The following TECPR1 variants were observed in gnomAD, a reference collection of about 807,000 sequenced individuals.
TECPR1 encodes tectonin beta-propeller repeat containing 1.
In TECPR1, 122 loss-of-function variants were observed where a neutral mutation model predicts 162.4. That is an observed-to-expected ratio of 0.75 (90% confidence interval 0.65 to 0.87). TECPR1 has a LOEUF of 0.87. TECPR1 is among the 40% of genes least tolerant of loss of function. The pLI is 0.00. For synonymous variants in TECPR1, 642 were observed against 670.6 expected, an observed-to-expected ratio of 0.96 and a Z score of 0.66; for missense variants, 1,432 against 1,618.2, an observed-to-expected ratio of 0.88 and a Z score of 1.97.
intron 8 of TECPR1, among the ~76,000 whole-genome samples, chr7:98,239,819 C>T (rs1280829137): frequency 2.0e-5 from 3 of 151,948 alleles, no homozygotes; most frequent in Admixed American, 6.6e-5. Flanking sequence ...GTTAGAAAAA[C>T]CCTGTGACTG....
chr7:98,224,818 A>T lies in TECPR1; in HGVS notation c.2673T>A (p.Tyr891Ter). The T allele has an allele frequency of 6.3e-7, 1 of 1,582,122 alleles. No individual in the cohort carries two copies. The highest frequency in any genetic ancestry group is 1.2e-5 in the South Asian group (1 of 86,402). Residue 891 changes from tyrosine (Y) to a stop codon, truncating the protein, a stop_gained, in exon 19 of 26, where the codon TAT (tyrosine) becomes TAA (stop). Coordinates refer to ENST00000447648, the MANE Select transcript of TECPR1 (RefSeq NM_015395.3). LOFTEE classifies it high-confidence loss of function. Reference sequence around the variant, plus strand: ...AGGCTTACGCAGGGAAGTCGCTGGCATACTGCCACCCCTCCTGGTCCGTGC... The same window carrying T: ...AGGCTTACGCAGGGAAGTCGCTGGCTTACTGCCACCCCTCCTGGTCCGTGC... ...PGGTDQEGWQ[Y>*]ASDFPASYHG...
chr7:98,225,116 AC>A lies in TECPR1; in HGVS notation c.2514-15del. ...GTGGGCAGACCCCTGCGGCAGGACA[AC>A]AGGGCAGGTGACGAGGGAGACTGGG... On this transcript the variant is annotated splice_polypyrimidine_tract_variant and intron_variant, in intron 17 of 25. Transcript: ENST00000447648. 1.9e-6 allele frequency: 3 copies of A among 1,559,856 alleles called. No individual in the cohort carries two copies. In the Admixed American group the frequency reaches 5.7e-5, roughly 30 times the overall value.
chr7:98,229,251 C>A, intron 15 of TECPR1, 85 bp from the exon 16 acceptor site: 2 of 1,488,844 alleles, frequency 1.3e-6, no homozygotes, highest in Non-Finnish European at 1.8e-6. Context: ...CCGTGTCCTC[C>A]TGTGGTTCTG....
intron 8 of TECPR1, 133 bp from the exon 9 acceptor site, chr7:98,238,743 AT>A: frequency 1.3e-6 from 1 of 745,004 alleles, no homozygotes; most frequent in Non-Finnish European, 2.3e-6. Context: ...GTGGTACATC[AT>A]TTAGCGAGGA....
At position 98,217,799 on chromosome 7, in the gene TECPR1, C is replaced by A; in HGVS notation, c.3277G>T (p.Ala1093Ser). Residue 1093 changes from alanine (A) to serine (S), a missense_variant, in exon 25 of 26, where the codon GCC becomes TCC. By Grantham distance (99) the Ala-to-Ser change is moderately conservative (BLOSUM62 1). Coordinates refer to ENST00000447648, the MANE Select transcript of TECPR1 (RefSeq NM_015395.3). ...VGPLDQVWVIANKVQGSHSLS... is the reference protein window; with the variant it reads ...VGPLDQVWVISNKVQGSHSLS... ...CTGTGGCTGCCCTGCACTTTGTTGG[C>A]GATCACCCAGACCTGGAGCACAGAC... 1 of 1,550,632 alleles carries A rather than the reference C, an allele frequency of 6.4e-7. No homozygotes were observed. Among genetic ancestry groups the A allele is most frequent in the Non-Finnish European group, 8.7e-7 (1 of 1,146,880 alleles).
At chr7:98,218,335 G>C (rs904422505) in intron 23 of TECPR1, among the ~76,000 whole-genome samples, 1 of 152,184 alleles carries the variant, frequency 6.6e-6, no homozygotes, top group African/African-American at 2.4e-5. Context: ...TCTTTCTGCT[G>C]AGGCAGAAAC....
Position 98,233,772 on chromosome 7 carries a change from T to A in TECPR1, c.1321A>T (p.Thr441Ser), listed in dbSNP as rs371282855. The A allele has an allele frequency of 3.2e-5, 52 of 1,612,436 alleles. No individual in the cohort carries two copies. The East Asian group carries it at 9.6e-4, about 30-fold the overall frequency. The change falls in exon 11 of 26, where the codon ACA (threonine) becomes TCA (serine). Residue 441 changes from threonine to serine, a missense_variant. By Grantham distance (58) the Thr-to-Ser change is moderately conservative (BLOSUM62 1). Coordinates refer to ENST00000447648, the MANE Select transcript of TECPR1 (RefSeq NM_015395.3). ...AEPLDDSKNA[T>S]GNSASGLGAG... ...CCCAGGCCTGAGGCTGAGTTCCCTG[T>A]GGCATTCTTGGAATCGTCTAGAGGT...
intron 17 of TECPR1, among the ~76,000 whole-genome samples, chr7:98,225,551 A>AC (rs975535763): frequency 2.0e-5 from 3 of 149,678 alleles, no homozygotes; most frequent in African/African-American, 7.3e-5. Flanking sequence ...CAAAAAAAAA[A>AC]GGCGGGGGGA....
chr7:98,231,149 GCAGGC>G (rs749755477), intron 14 of TECPR1, 31 bp from the exon 15 acceptor site: 14 of 1,604,344 alleles, frequency 8.7e-6, no homozygotes, highest in East Asian at 2.2e-5. Context: ...TCACTGCTGA[GCAGGC>G]CAGGCCAGGC....
At chr7:98,240,816 G>T in intron 8 of TECPR1, 35 bp downstream of exon 8, 1 of 1,542,012 alleles carries the variant, frequency 6.5e-7, no homozygotes, top group African/African-American at 1.4e-5. Flanking sequence ...CAACTCCTGG[G>T]CTCAAGTGAT....
rs1372193320 is a variant in TECPR1 at position 98,243,454 on chromosome 7, G to T, written c.657+13C>A. On this transcript the variant is annotated intron_variant, in intron 6 of 25. Coordinates refer to ENST00000447648, the MANE Select transcript of TECPR1 (RefSeq NM_015395.3). ...TCGTGGGGAGCCAGGGCAGGGAGAG[G>T]GGTTGGCCTTACCTTGCCCTGCAGA... The T allele has an allele frequency of 6.2e-7, 1 of 1,611,770 alleles. No homozygotes were observed. The highest frequency in any genetic ancestry group is 1.1e-5 in the South Asian group (1 of 91,058).
chr7:98,232,850 G>A lies in TECPR1; in HGVS notation c.1795C>T (p.His599Tyr), dbSNP rs2116577928. 1.2e-6 allele frequency: 2 copies of A among 1,610,584 alleles called. No homozygotes were observed. The highest frequency in any genetic ancestry group is 3.4e-5 in the Admixed American group (2 of 59,648). ...RTKRELENFR[H>Y]YEQAVEQSVW... ...ACCTGCTCCACGGCCTGCTCGTAGT[G>A]TCTGAAGTTCTCCAGCTCCCGCTTG... Residue 599 changes from histidine to tyrosine, a missense_variant, in exon 12 of 26, where the codon CAC (histidine) becomes TAC (tyrosine). Coordinates refer to ENST00000447648, the MANE Select transcript of TECPR1 (RefSeq NM_015395.3). This position sits in a 1 kb window ranked among gnomAD's most constrained non-coding sequence, Gnocchi z 4.6.
chr7:98,222,920 G>A (rs1798179418), intron 21 of TECPR1, 70 bp downstream of exon 21: 1 of 1,571,676 alleles, frequency 6.4e-7, no homozygotes. Flanking sequence ...CCTGAGCAGG[G>A]TCTGAGCCCT....
At position 98,240,956 on chromosome 7, in the gene TECPR1, C is replaced by G. The variant is rs767803462; in HGVS notation, c.833-5G>C. 1 of 1,602,090 alleles carries G rather than the reference C, an allele frequency of 6.2e-7. No homozygotes were observed. The highest frequency in any genetic ancestry group is 8.5e-7 in the Non-Finnish European group (1 of 1,175,512). ...CCACGATGGACCAGGAACTTCCTAC[C>G]GGGCCCCCAAGAAACCCCCAGTGGC... On this transcript the variant is annotated splice_region_variant and splice_polypyrimidine_tract_variant and intron_variant, in intron 7 of 25. Transcript: ENST00000447648.
At position 98,232,987 on chromosome 7, in the gene TECPR1, G is replaced by A; in HGVS notation, c.1673-15C>T. The A allele has an allele frequency of 3.8e-6, 6 of 1,598,086 alleles. No individual in the cohort carries two copies. Among genetic ancestry groups the A allele is most frequent in the Non-Finnish European group, 5.1e-6 (6 of 1,171,472 alleles). ...GGAGGACAGGCCTGTGGGGCAGAGA[G>A]AGCCTCAGGGCCGGGGCACTGTCCT... On this transcript the variant is annotated splice_polypyrimidine_tract_variant and intron_variant, in intron 11 of 25. Coordinates refer to ENST00000447648, the MANE Select transcript of TECPR1 (RefSeq NM_015395.3). The surrounding 1 kb of genome is among the most constrained non-coding windows in gnomAD (Gnocchi z 4.6).
Position 98,222,873 on chromosome 7 carries a change from G to A in TECPR1, c.2928+117C>T, listed in dbSNP as rs1017380076. 6.6e-6 allele frequency: 9 copies of A among 1,369,650 alleles called. No homozygotes were observed. The East Asian group carries it at 7.0e-5, about 11-fold the overall frequency. 84.8% of individuals were successfully genotyped at this position (1,369,650 alleles called of 1,614,324 possible). On this transcript the variant is annotated intron_variant, in intron 21 of 25. Transcript: ENST00000447648. The stretch of plus-strand genomic sequence containing the variant: ...TGCCCCAGGGCACAGGGACCCACTC[G>A]GACCACAGGCAGTGTCCACTGGTCC...
At chr7:98,217,585 C>T in intron 25 of TECPR1, 82 bp from the exon 26 acceptor site, 1 of 1,537,584 alleles carries the variant, frequency 6.5e-7, no homozygotes, top group African/African-American at 1.4e-5. Flanking sequence ...CTCCCTGCAA[C>T]CCAGACACCG....
Position 98,222,401 on chromosome 7 carries a change from G to T in TECPR1, c.3049C>A (p.Pro1017Thr). 1 of 1,601,642 alleles carries T rather than the reference G, an allele frequency of 6.2e-7. No homozygotes were observed. The highest frequency in any genetic ancestry group is 2.3e-5 in the East Asian group (1 of 44,362). ...CGGCACTCACCGGCTGGCTGCGAGGGGTACACGGATCCCCGGTAGAAGGCG... is the reference window on the plus strand; with the variant it reads ...CGGCACTCACCGGCTGGCTGCGAGGTGTACACGGATCCCCGGTAGAAGGCG... ...GSAFYRGSVY[P>T]SQPAGDCWYH... Residue 1017 changes from proline to threonine, a missense_variant, in exon 22 of 26, where the codon CCC becomes ACC. Coordinates refer to ENST00000447648, the MANE Select transcript of TECPR1 (RefSeq NM_015395.3).
intron 15 of TECPR1, 56 bp downstream of exon 15, chr7:98,230,902 AACC>A: frequency 2.6e-6 from 4 of 1,558,814 alleles, no homozygotes. Flanking sequence ...CCCCTTCTGT[AACC>A]ACGAGCTCGG....
Sources: gnomAD v4.1 joint callset for allele counts (sites outside exome capture counted in the v4.1 genomes callset) on GRCh38, gnomAD v4.1.1 for gene constraint, Gnocchi (gnomAD v3.1) non-coding constraint, MANE v1.5 for transcripts, NCBI Gene and HGNC (gene_info 2026-07-23, HGNC 2026-07-21) for gene names.